Variants in FER observed in about 807,000 individuals in gnomAD.
FER encodes the protein tyrosine-protein kinase Fer.
A neutral mutation model predicts 111.0 loss-of-function variants in FER; 63 were observed. That is an observed-to-expected ratio of 0.57 (90% CI 0.46 to 0.70). FER has a LOEUF of 0.70. Ranked by LOEUF, FER falls within the 30% of genes least tolerant of loss-of-function variation. The pLI is 0.00. For missense variants in FER, 914 were observed against 954.0 expected (o/e 0.96, Z 0.55); for synonymous variants, 327 against 313.9 (o/e 1.04, Z -0.44).
chr5:109,054,631 T>G (rs1027822924), intron 16 of FER, among the ~76,000 whole-genome samples: 5 of 152,182 alleles, frequency 3.3e-5, no homozygotes, highest in African/African-American at 7.2e-5. Context: ...CTTTTATGGA[T>G]CATACTTTTT....
intron 17 of FER, among the ~76,000 whole-genome samples, chr5:109,175,835 C>T (rs1757619650): frequency 1.3e-5 from 2 of 152,142 alleles, no homozygotes; most frequent in Non-Finnish European, 2.9e-5. Flanking sequence ...AAGACAACGC[C>T]AGGTGCGGTG....
At chr5:108,901,316 A>T (rs1749981392) in intron 10 of FER, among the ~76,000 whole-genome samples, 1 of 151,994 alleles carries the variant, frequency 6.6e-6, no homozygotes, top group African/African-American at 2.4e-5. Context: ...TAAGTAAGAG[A>T]GGGGAAGAGG....
chr5:108,867,859 G>A lies in FER; in HGVS notation c.574G>A (p.Ala192Thr). The change falls in exon 6 of 20, where the codon GCA becomes ACA. Residue 192 changes from alanine (A) to threonine (T), a missense_variant. This residue lies in a region of FER where 774 missense variants were observed against 782.6 expected (regional missense o/e 0.99). Transcript: ENST00000281092. ...HNQYVLALKG[A>T]QLHQNQYYDI... Reference sequence around the variant, plus strand: ...TCAGTATGTATTGGCGTTGAAAGGGGCACAGCTCCATCAGAATCAGTATTA... The same window carrying A: ...TCAGTATGTATTGGCGTTGAAAGGGACACAGCTCCATCAGAATCAGTATTA... The A allele has an allele frequency of 6.2e-7, 1 of 1,613,002 alleles. No individual in the cohort carries two copies. The highest frequency in any genetic ancestry group is 2.2e-5 in the East Asian group (1 of 44,826).
chr5:108,921,632 C>G (rs909425869), intron 10 of FER, among the ~76,000 whole-genome samples: 1 of 151,968 alleles, frequency 6.6e-6, no homozygotes, highest in Non-Finnish European at 1.5e-5. Context: ...TTCTTAGAGT[C>G]TTTTTTTATG....
intron 10 of FER, among the ~76,000 whole-genome samples, chr5:108,898,741 A>G (rs1036235256): frequency 3.1e-4 from 46 of 147,090 alleles, no homozygotes; most frequent in African/African-American, 1.1e-3. Context: ...CTATCTATGT[A>G]TGTTGGTGGT....
chr5:108,807,121 C>G (rs1312882516), intron 3 of FER, among the ~76,000 whole-genome samples: 1 of 152,170 alleles, frequency 6.6e-6, no homozygotes, highest in Non-Finnish European at 1.5e-5. Flanking sequence ...CTCATGAGAT[C>G]TGATGGCTTT....
chr5:108,875,197 G>A (rs1319833084), intron 8 of FER, among the ~76,000 whole-genome samples: 1 of 151,986 alleles, frequency 6.6e-6, no homozygotes, highest in Non-Finnish European at 1.5e-5. Flanking sequence ...AAAATTTTTT[G>A]GATGGTATCT....
chr5:109,177,991 G>T (rs79416711), intron 17 of FER, among the ~76,000 whole-genome samples: 3,378 of 152,268 alleles, frequency 0.022, 150 homozygotes, highest in African/African-American at 0.077. Context: ...GTCTCCCAAA[G>T]TGTGACTCAG....
intron 10 of FER, among the ~76,000 whole-genome samples, chr5:108,929,111 G>A (rs1458158657): frequency 6.6e-6 from 1 of 151,978 alleles, no homozygotes; most frequent in Non-Finnish European, 1.5e-5. Flanking sequence ...GTATGAAATG[G>A]GTTTTAGCCT....
At position 108,954,646 on chromosome 5, in the gene FER, G is replaced by T. The variant is rs961696705; in HGVS notation, c.1330-83G>T. ...TTAAAGGGAGGAACATTTGTAAGAA[G>T]CCTTTATAGTTGCTATGAATTTTAT... is the stretch of plus-strand genomic sequence containing the variant. On this transcript the variant is annotated intron_variant, in intron 11 of 19. Transcript: ENST00000281092. The T allele has an allele frequency of 6.3e-5, 65 of 1,024,224 alleles. No individual in the cohort carries two copies. In the African/African-American group the frequency reaches 8.9e-4, roughly 14 times the overall value. The allele number at this position is 1,024,224 out of a possible 1,614,324, so 63.4% of individuals were successfully genotyped here.
intron 16 of FER, among the ~76,000 whole-genome samples, chr5:109,071,072 G>A (rs1486512208): frequency 1.3e-5 from 2 of 151,920 alleles, no homozygotes; most frequent in Non-Finnish European, 2.9e-5. Flanking sequence ...CTATTAATGA[G>A]AATATCAGTA....
chr5:108,791,163 G>A (rs1037530541), intron 2 of FER, among the ~76,000 whole-genome samples: 6 of 152,126 alleles, frequency 3.9e-5, no homozygotes, highest in African/African-American at 9.7e-5. Flanking sequence ...GTATATACCT[G>A]GGAGGTGAAT....
chr5:108,795,600 C>T (rs1755931177), intron 2 of FER, among the ~76,000 whole-genome samples: 1 of 152,112 alleles, frequency 6.6e-6, no homozygotes, highest in Admixed American at 6.5e-5. Flanking sequence ...AGTCTGTCTT[C>T]AAGCTCACTA....
intron 16 of FER, among the ~76,000 whole-genome samples, chr5:109,075,363 CTT>C (rs1776202149): frequency 6.6e-6 from 1 of 150,702 alleles, no homozygotes; most frequent in Admixed American, 6.6e-5. Flanking sequence ...AAGCATATAA[CTT>C]TGAATATTAT....
intron 3 of FER, chr5:108,820,614 G>C: frequency 1.1e-6 from 1 of 889,584 alleles, no homozygotes; most frequent in Middle Eastern, 5.8e-4. Flanking sequence ...TATCCCGGTA[G>C]TCATGTGGTT....
At chr5:108,825,666 G>A (rs548585248) in intron 3 of FER, among the ~76,000 whole-genome samples, 2 of 152,248 alleles carry the variant, frequency 1.3e-5, no homozygotes, top group East Asian at 3.9e-4. Context: ...AAATCACAAG[G>A]GTATTGATTG....
chr5:109,128,952 A>G (rs184497526), intron 17 of FER, among the ~76,000 whole-genome samples: 87 of 152,230 alleles, frequency 5.7e-4, no homozygotes, highest in African/African-American at 1.9e-3. Context: ...AATTAAAGCA[A>G]CAGTGGGTAG....
Position 108,800,062 on chromosome 5 carries a change from T to C in FER, c.207+1673T>C, listed in dbSNP as rs548472209. 2.6e-5 allele frequency among the ~76,000 whole-genome samples: 4 copies of C among 152,096 alleles called. No individual in the cohort carries two copies. The South Asian group carries it at 8.3e-4, about 32-fold the overall frequency. On this transcript the variant is annotated intron_variant, in intron 3 of 19. Coordinates refer to ENST00000281092, the MANE Select transcript of FER (RefSeq NM_005246.4). ...TTCATCATGTTGGCTAGGCTGGTCT[T>C]GAACTCCTGACCTCAAATGATCTAC...
At chr5:109,146,253 A>T (rs1056908651) in intron 17 of FER, among the ~76,000 whole-genome samples, 8 of 42,126 alleles carry the variant, frequency 1.9e-4, no homozygotes, top group African/African-American at 3.6e-4. Flanking sequence ...TAATCTATCT[A>T]ATATATATAT....
Sources: allele counts gnomAD v4.1 joint callset (sites outside exome capture counted in the v4.1 genomes callset), GRCh38; gene constraint gnomAD v4.1.1; regional missense constraint gnomAD v4.1.1; transcripts MANE v1.5; gene names NCBI Gene and HGNC (gene_info 2026-07-23, HGNC 2026-07-21).